The following SPHKAP variants were observed in gnomAD, a reference collection of about 807,000 sequenced individuals.
SPHKAP encodes the protein SPHK1 interactor, AKAP domain containing, also known as A-kinase anchor protein SPHKAP.
In SPHKAP, 67 loss-of-function variants were observed where a neutral mutation model predicts 137.5. That is an observed-to-expected ratio of 0.49 (90% CI 0.40 to 0.60). The LOEUF (loss-of-function observed/expected upper bound fraction) is 0.60, where lower values mean the gene tolerates loss of function less well. SPHKAP is among the 20% of genes least tolerant of loss of function. The pLI, the probability that SPHKAP is intolerant of heterozygous loss-of-function variation, is 0.00. For synonymous variants in SPHKAP, 813 were observed against 785.3 expected, an observed-to-expected ratio of 1.04 and a Z score of -0.59; for missense variants, 2,097 against 2,069.3, an observed-to-expected ratio of 1.01 and a Z score of -0.26.
At chr2:228,152,374 T>A (rs1012768539) in intron 1 of SPHKAP, among the ~76,000 whole-genome samples, 19 of 152,194 alleles carry the variant, frequency 1.2e-4, no homozygotes, top group African/African-American at 4.6e-4. Flanking sequence ...ATGTAGGTCT[T>A]TACCATTATA....
intron 3 of SPHKAP, among the ~76,000 whole-genome samples, chr2:228,053,808 C>T (rs1227799418): frequency 6.6e-6 from 1 of 152,158 alleles, no homozygotes; most frequent in Non-Finnish European, 1.5e-5. Context: ...TGCTACAATA[C>T]ATTTGGTTTC....
chr2:228,119,664 T>A (rs1698846380), intron 2 of SPHKAP, among the ~76,000 whole-genome samples: 1 of 151,984 alleles, frequency 6.6e-6, no homozygotes, highest in South Asian at 2.1e-4. Flanking sequence ...AAATGCCTAT[T>A]TAAAGCACAC....
chr2:228,070,055 C>G (rs1396259607), intron 3 of SPHKAP, among the ~76,000 whole-genome samples: 1 of 152,158 alleles, frequency 6.6e-6, no homozygotes, highest in African/African-American at 2.4e-5. Context: ...AAAGGAAGTA[C>G]AGTTGACCCT....
chr2:228,039,504 CTT>C (rs1695760727), intron 3 of SPHKAP, among the ~76,000 whole-genome samples: 1 of 152,074 alleles, frequency 6.6e-6, no homozygotes, highest in South Asian at 2.1e-4. Context: ...TTATGACTCT[CTT>C]TTCATAAATG....
chr2:228,128,563 G>T (rs111539739), intron 2 of SPHKAP, among the ~76,000 whole-genome samples: 1 of 151,964 alleles, frequency 6.6e-6, no homozygotes, highest in Non-Finnish European at 1.5e-5. Context: ...CATCTAGGAT[G>T]GTAAATCCTT....
intron 3 of SPHKAP, among the ~76,000 whole-genome samples, chr2:228,031,575 C>T (rs139120082): frequency 1.4e-4 from 21 of 152,316 alleles, no homozygotes; most frequent in Admixed American, 5.9e-4. Flanking sequence ...CCTCCTTAAG[C>T]GGGTCCTTGA....
chr2:228,004,126 A>C (rs911346746), intron 7 of SPHKAP, among the ~76,000 whole-genome samples: 1 of 152,214 alleles, frequency 6.6e-6, no homozygotes, highest in Non-Finnish European at 1.5e-5. Flanking sequence ...GAATAGTTTC[A>C]AAAAGATTGG....
Position 227,995,604 on chromosome 2 carries a change from G to A in SPHKAP, c.4539C>T (p.Ser1513=), listed in dbSNP as rs187242200. The A allele has an allele frequency of 2.2e-5, 36 of 1,613,918 alleles. No homozygotes were observed. The highest frequency in any genetic ancestry group is 4.5e-5 in the East Asian group (2 of 44,862). Residue 1513 remains serine, a synonymous_variant, in exon 8 of 12, where the codon AGC becomes AGT. Coordinates refer to ENST00000392056, the MANE Select transcript of SPHKAP (RefSeq NM_001142644.2). ...GGGTCCAGCTGCCTGTGCTCTCCTC[G>A]CTGCTGCTTGGAGGGTTGGGGGCCT... The part of the protein sequence containing the change: ...PDEAPNPPSS[S]EESTGSWTQL...
At chr2:228,091,856 G>T (rs1382151723) in intron 3 of SPHKAP, among the ~76,000 whole-genome samples, 1 of 152,076 alleles carries the variant, frequency 6.6e-6, no homozygotes, top group African/African-American at 2.4e-5. Flanking sequence ...TGAAAACAGT[G>T]TGGAGAGTCC....
intron 1 of SPHKAP, among the ~76,000 whole-genome samples, chr2:228,159,739 C>T (rs1559207081): frequency 1.3e-5 from 2 of 152,296 alleles, no homozygotes; most frequent in South Asian, 2.1e-4. Context: ...AGGTCATCTT[C>T]TATAGACTAC....
intron 2 of SPHKAP, among the ~76,000 whole-genome samples, chr2:228,129,921 C>T (rs1186663638): frequency 2.6e-5 from 4 of 151,608 alleles, no homozygotes; most frequent in African/African-American, 4.8e-5. Context: ...CTCAACCGCC[C>T]GAGTAGCTGG....
chr2:228,097,798 T>C (rs1370279832), intron 3 of SPHKAP, among the ~76,000 whole-genome samples: 1 of 152,196 alleles, frequency 6.6e-6, no homozygotes, highest in Non-Finnish European at 1.5e-5. Context: ...TATCTGTATC[T>C]GCAAAGAACA....
intron 4 of SPHKAP, chr2:228,025,787 A>T (rs1400394042): frequency 1.2e-6 from 1 of 814,110 alleles, no homozygotes; most frequent in Non-Finnish European, 1.5e-6. Context: ...TAAAGTAAAC[A>T]TTATGATAGT....
At chr2:228,110,863 A>G (rs1447354241) in intron 2 of SPHKAP, among the ~76,000 whole-genome samples, 2 of 152,174 alleles carry the variant, frequency 1.3e-5, no homozygotes, top group Non-Finnish European at 2.9e-5. Flanking sequence ...TATGTTATAT[A>G]GGATAATGTG....
At chr2:228,100,756 G>A (rs879628355) in intron 3 of SPHKAP, among the ~76,000 whole-genome samples, 5 of 152,054 alleles carry the variant, frequency 3.3e-5, no homozygotes, top group Non-Finnish European at 7.4e-5. Flanking sequence ...ATATTTTATT[G>A]GGGTTTTTTT....
At chr2:228,083,984 C>A (rs1022187071) in intron 3 of SPHKAP, among the ~76,000 whole-genome samples, 1 of 151,704 alleles carries the variant, frequency 6.6e-6, no homozygotes. Context: ...CTACTGGATG[C>A]GGGTTTTAAA....
chr2:228,126,082 C>T (rs1415112257), intron 2 of SPHKAP, among the ~76,000 whole-genome samples: 1 of 151,906 alleles, frequency 6.6e-6, no homozygotes, highest in Non-Finnish European at 1.5e-5. Flanking sequence ...GCCTCAACAA[C>T]AACAACAAAA....
At chr2:228,044,636 A>G (rs1399633328) in intron 3 of SPHKAP, among the ~76,000 whole-genome samples, 2 of 152,232 alleles carry the variant, frequency 1.3e-5, no homozygotes, top group Admixed American at 6.5e-5. Context: ...TCTGCAAACT[A>G]TAGTTGACAC....
intron 1 of SPHKAP, among the ~76,000 whole-genome samples, chr2:228,134,048 GA>G (rs1454686491): frequency 6.6e-6 from 1 of 150,436 alleles, no homozygotes; most frequent in Admixed American, 6.7e-5. Flanking sequence ...AAGGAAGGAA[GA>G]GAGGAAGGAA....
Sources: allele counts gnomAD v4.1 joint callset (sites outside exome capture counted in the v4.1 genomes callset), GRCh38; gene constraint gnomAD v4.1.1; transcripts MANE v1.5; gene names NCBI Gene and HGNC (gene_info 2026-07-23, HGNC 2026-07-21).